The following GRIA3 variants were observed in gnomAD, a reference collection of about 807,000 sequenced individuals.
GRIA3 encodes the protein glutamate receptor 3.
In GRIA3, 3 loss-of-function variants were observed where a neutral mutation model predicts 63.0. That is an observed-to-expected ratio of 0.05 (90% CI 0.02 to 0.12). The LOEUF (loss-of-function observed/expected upper bound fraction) is 0.12. GRIA3 is among the 10% of genes least tolerant of loss of function. The pLI is 1.00. For missense variants in GRIA3, 347 were observed against 700.9 expected (o/e 0.50, Z 5.70); for synonymous variants, 274 against 257.9 (o/e 1.06, Z -0.60).
chrX:123,436,121 CCAT>C (rs2045642849), intron 12 of GRIA3, among the ~76,000 whole-genome samples: 1 of 110,911 alleles, frequency 9.0e-6, no homozygotes, highest in Admixed American at 9.6e-5. Context: ...CAGCAAACCA[CCAT>C]GGCACAAGTT....
chrX:123,265,579 T>C (rs371751209), intron 3 of GRIA3, among the ~76,000 whole-genome samples: 1 of 112,144 alleles, frequency 8.9e-6, no homozygotes, highest in East Asian at 2.8e-4. Flanking sequence ...AGAGGAGAAG[T>C]TGGTCTTGCT....
chrX:123,377,016 G>C (rs747306836), intron 5 of GRIA3, among the ~76,000 whole-genome samples: 30 of 101,114 alleles, frequency 3.0e-4, no homozygotes, highest in African/African-American at 1.1e-3. Flanking sequence ...CTCACTGGAA[G>C]CTCCGCCTCC....
At chrX:123,325,934 G>T (rs1239034892) in intron 3 of GRIA3, 92 bp from the exon 4 acceptor site, 4 of 739,193 alleles carry the variant, frequency 5.4e-6, no homozygotes, top group Middle Eastern at 3.4e-4. Context: ...AGGTTCAAAG[G>T]CACCTGATGG....
intron 4 of GRIA3, among the ~76,000 whole-genome samples, chrX:123,342,988 GTTC>G (rs1368270134): frequency 3.6e-5 from 4 of 110,985 alleles, no homozygotes; most frequent in African/African-American, 9.8e-5. Flanking sequence ...TAGTTCCTGG[GTTC>G]TTGAGTCAGA....
chrX:123,204,322 G>C lies in GRIA3; in HGVS notation c.268+18332G>C, dbSNP rs755709004. On this transcript the variant is annotated intron_variant, in intron 2 of 15. Transcript: ENST00000620443. ...ATCCTGCAGGGAGGCTGACAGAAAG[G>C]GAAGTTCCAAAAGGTGACCCCATGA... is the stretch of plus-strand genomic sequence containing the variant. 7 of 849,072 alleles carry C rather than the reference G, an allele frequency of 8.2e-6. No individual in the cohort carries two copies. The South Asian group carries it at 1.3e-4, about 16-fold the overall frequency. The allele number at this position is 849,072 out of a possible 1,213,427, so 70.0% of individuals were successfully genotyped here.
chrX:123,472,385 T>C (rs1245023685), intron 13 of GRIA3, among the ~76,000 whole-genome samples: 2 of 110,411 alleles, frequency 1.8e-5, no homozygotes, highest in African/African-American at 6.6e-5. Context: ...CTAGGTGCCA[T>C]TGGAATGAAC....
chrX:123,477,916 G>A (rs751804052), intron 13 of GRIA3, among the ~76,000 whole-genome samples: 3 of 111,765 alleles, frequency 2.7e-5, no homozygotes, highest in Admixed American at 1.9e-4. Flanking sequence ...GGCTTAGTCA[G>A]GTAGCAGTGT....
intron 2 of GRIA3, among the ~76,000 whole-genome samples, chrX:123,218,470 G>A (rs1476713822): frequency 1.8e-5 from 2 of 111,017 alleles, no homozygotes; most frequent in African/African-American, 6.6e-5. Context: ...TTTGTTTTTT[G>A]TTTTTTTGAC....
At chrX:123,190,501 TA>T (rs979646139) in intron 2 of GRIA3, among the ~76,000 whole-genome samples, 2 of 111,253 alleles carry the variant, frequency 1.8e-5, no homozygotes, top group African/African-American at 6.5e-5. Flanking sequence ...GCCATAAAAA[TA>T]GATGGCAATC....
chrX:123,211,159 T>C (rs1056813597), intron 2 of GRIA3, among the ~76,000 whole-genome samples: 2 of 111,127 alleles, frequency 1.8e-5, no homozygotes, highest in Non-Finnish European at 3.8e-5. Flanking sequence ...CTGAGAAACA[T>C]AACATCACTT....
chrX:123,413,149 G>T (rs887297050), intron 10 of GRIA3, among the ~76,000 whole-genome samples: 16 of 111,310 alleles, frequency 1.4e-4, no homozygotes, highest in African/African-American at 5.2e-4. Flanking sequence ...TGCTTACCAT[G>T]TAGTAGGTGT....
intron 12 of GRIA3, among the ~76,000 whole-genome samples, chrX:123,449,082 T>C (rs890607875): frequency 1.8e-5 from 2 of 111,730 alleles, no homozygotes; most frequent in African/African-American, 3.3e-5. Flanking sequence ...TCTATACTCT[T>C]AACAACTGCT....
intron 2 of GRIA3, among the ~76,000 whole-genome samples, chrX:123,225,021 A>G (rs1390122736): frequency 9.0e-6 from 1 of 111,671 alleles, no homozygotes; most frequent in African/African-American, 3.3e-5. Flanking sequence ...ACTTATGCAC[A>G]TTGTTTTACA....
intron 2 of GRIA3, among the ~76,000 whole-genome samples, chrX:123,224,841 A>G (rs925131984): frequency 1.8e-5 from 2 of 111,798 alleles, no homozygotes; most frequent in African/African-American, 6.5e-5. Context: ...TCATGGCTCA[A>G]TGCTTTCTTT....
chrX:123,321,438 C>G (rs1217583224), intron 3 of GRIA3, among the ~76,000 whole-genome samples: 1 of 112,023 alleles, frequency 8.9e-6, no homozygotes, highest in Non-Finnish European at 1.9e-5. Flanking sequence ...TCACAGCTGA[C>G]AGCAGGTGGT....
At chrX:123,390,425 T>C (rs940835033) in intron 5 of GRIA3, among the ~76,000 whole-genome samples, 3 of 111,752 alleles carry the variant, frequency 2.7e-5, no homozygotes, top group African/African-American at 6.5e-5. Context: ...TTTTTTGTTT[T>C]GTTTTGTTTT....
intron 4 of GRIA3, among the ~76,000 whole-genome samples, chrX:123,349,909 T>C (rs1407472106): frequency 8.9e-6 from 1 of 111,926 alleles, no homozygotes; most frequent in Non-Finnish European, 1.9e-5. Flanking sequence ...ATTTCTTCTG[T>C]AAAGTATGGC....
intron 2 of GRIA3, among the ~76,000 whole-genome samples, chrX:123,196,503 G>A (rs1440991999): frequency 1.8e-5 from 2 of 111,692 alleles, no homozygotes; most frequent in African/African-American, 6.5e-5. Flanking sequence ...GCTTCTAGGT[G>A]CTACAACAAC....
chrX:123,402,506 A>G (rs747926805), intron 7 of GRIA3, among the ~76,000 whole-genome samples: 1 of 110,642 alleles, frequency 9.0e-6, no homozygotes, highest in African/African-American at 3.3e-5. Context: ...AAAAGCATTA[A>G]GAACATGCCG....
Sources: gnomAD v4.1 joint callset for allele counts (sites outside exome capture counted in the v4.1 genomes callset) on GRCh38, gnomAD v4.1.1 for gene constraint, MANE v1.5 for transcripts, NCBI Gene and HGNC (gene_info 2026-07-23, HGNC 2026-07-21) for gene names.